ZNF160: variants seen among roughly 807,000 people sequenced by gnomAD.
The protein encoded by ZNF160 is KRAB zinc finger protein KR18.
A neutral mutation model predicts 13.1 loss-of-function variants in ZNF160; 9 were observed. The ratio of observed to expected loss-of-function variants is 0.69; its 90% CI spans 0.41 to 1.20. The LOEUF is 1.20. ZNF160 is among the 50% of genes most tolerant of loss of function. ZNF160 has a pLI of 0.01. For synonymous variants in ZNF160, 293 were observed against 333.2 expected, an observed-to-expected ratio of 0.88 and a Z score of 1.31; for missense variants, 838 against 988.0, an observed-to-expected ratio of 0.85 and a Z score of 2.04.
rs374817140 is a variant in ZNF160 at position 53,069,309 on chromosome 19, G to A, written c.1225C>T (p.Arg409Cys). The change falls in exon 6 of 6, where the codon CGT becomes TGT. Residue 409 changes from arginine (R) to cysteine (C), a missense_variant. This residue lies in a region of ZNF160 where 400 missense variants were observed against 538.9 expected (regional missense o/e 0.74). Transcript: ENST00000683776. This position sits in a 1 kb window ranked among gnomAD's most constrained non-coding sequence, Gnocchi z 4.4. Reference sequence around the variant, plus strand: ...GTCTGATGGATTGCTAGGCTTGAACGAACACTAAAGGCTTTGCCGCACTCA... The same window carrying A: ...GTCTGATGGATTGCTAGGCTTGAACAAACACTAAAGGCTTTGCCGCACTCA... ...CNECGKAFSV[R>C]SSLAIHQTIH... 15 of 1,613,744 alleles carry A rather than the reference G, an allele frequency of 9.3e-6. No homozygotes were observed. The highest frequency in any genetic ancestry group is 8.0e-5 in the African/African-American group (6 of 74,858).
At chr19:53,074,395 C>A in intron 4 of ZNF160, 127 bp from the exon 5 acceptor site, 1 of 1,434,856 alleles carries the variant, frequency 7.0e-7, no homozygotes, top group Non-Finnish European at 9.2e-7. Flanking sequence ...GGGCCAGGCG[C>A]GGTGGCTCAT....
Position 53,069,556 on chromosome 19 carries a change from T to C in ZNF160, c.978A>G (p.Ser326=), listed in dbSNP as rs779916193. The C allele has an allele frequency of 8.1e-6, 13 of 1,614,092 alleles. No homozygotes were observed. In the African/African-American group the frequency reaches 1.7e-4, roughly 22 times the overall value. ...HECGKVFRHN[S]YLATHRRIHT... ...GAATTCGCCGATGAGTTGCAAGGTA[T>C]GAATTGTGCCTGAAGACCTTGCCAC... The change falls in exon 6 of 6, where the codon TCA becomes TCG. Residue 326 remains serine (S), a synonymous_variant. Coordinates refer to ENST00000683776, the MANE Select transcript of ZNF160 (RefSeq NM_001322131.2). The surrounding 1 kb of genome is among the most constrained non-coding windows in gnomAD (Gnocchi z 4.4).
At chr19:53,086,430 G>T in intron 2 of ZNF160, 109 bp from the exon 3 acceptor site, 1 of 845,900 alleles carries the variant, frequency 1.2e-6, no homozygotes, top group Non-Finnish European at 1.7e-6. Flanking sequence ...CACACGCACA[G>T]ATCTCACCCT....
intron 3 of ZNF160, among the ~76,000 whole-genome samples, chr19:53,080,014 A>C (rs1459709037): frequency 6.6e-6 from 1 of 152,132 alleles, no homozygotes; most frequent in Non-Finnish European, 1.5e-5. Flanking sequence ...GTATCTAAAA[A>C]ACCCTAAAGA....
rs193241799 is a variant in ZNF160, at chr19:53,070,450, G to A, written c.272-188C>T. ...TTTTGAGACGGAGTCTCGCTCTGTC[G>A]CCCAGGCTGGAGTGCAGTGGTGTGA... On this transcript the variant is annotated intron_variant, in intron 5 of 5. Coordinates refer to ENST00000683776, the MANE Select transcript of ZNF160 (RefSeq NM_001322131.2). 1.8e-3 allele frequency among the ~76,000 whole-genome samples: 271 copies of A among 150,642 alleles called. 1 individual carries two copies. The highest frequency in any genetic ancestry group is 6.2e-3 in the African/African-American group (255 of 41,000).
chr19:53,068,349 C>A lies in ZNF160; in HGVS notation c.2185G>T (p.Gly729Trp), dbSNP rs758570282. 1 of 1,614,060 alleles carries A rather than the reference C, an allele frequency of 6.2e-7. No individual in the cohort carries two copies. The highest frequency in any genetic ancestry group is 8.5e-7 in the Non-Finnish European group (1 of 1,180,028). ...TCATTACATTTGTAAGGTTTTTTCC[C>A]AGTATGGATTGCCTGATGGGTGGTT... ...SLTTHQAIHTGKKPYKCNECG... is the reference protein window; with the variant it reads ...SLTTHQAIHTWKKPYKCNECG... Residue 729 changes from glycine to tryptophan, a missense_variant, in exon 6 of 6, where the codon GGG (glycine) becomes TGG (tryptophan). Gly to Trp is a radical substitution (Grantham distance 184, BLOSUM62 -2). Around this residue, in one of 3 missense-constraint regions of ZNF160, gnomAD observed 400 missense variants for 538.9 expected, o/e 0.74. Coordinates refer to ENST00000683776, the MANE Select transcript of ZNF160 (RefSeq NM_001322131.2).
At chr19:53,072,438 T>A (rs1368151687) in intron 5 of ZNF160, among the ~76,000 whole-genome samples, 1 of 152,206 alleles carries the variant, frequency 6.6e-6, no homozygotes, top group African/African-American at 2.4e-5. Flanking sequence ...AAAACCATAA[T>A]GTATTCATTT....
chr19:53,075,739 T>C (rs184124710), intron 3 of ZNF160: 3 of 518,976 alleles, frequency 5.8e-6, no homozygotes, highest in African/African-American at 5.8e-5. Context: ...CTATAATAAA[T>C]GGGTAAATAT....
chr19:53,075,697 T>A (rs2084361487), intron 3 of ZNF160: 2 of 518,130 alleles, frequency 3.9e-6, no homozygotes, highest in African/African-American at 3.8e-5. Flanking sequence ...CACTTCCATC[T>A]AGATGTTCAT....
At chr19:53,088,202 C>T (rs75829585) in intron 2 of ZNF160, among the ~76,000 whole-genome samples, 1 of 152,124 alleles carries the variant, frequency 6.6e-6, no homozygotes, top group East Asian at 1.9e-4. Flanking sequence ...GCCAAGATAA[C>T]AGAAGAGGAA....
At chr19:53,086,156 C>T in intron 3 of ZNF160, 106 bp downstream of exon 3, 1 of 1,387,922 alleles carries the variant, frequency 7.2e-7, no homozygotes, top group Non-Finnish European at 1.0e-6. Flanking sequence ...TGAGTGCTAG[C>T]AAACATGTCA....
Position 53,067,166 on chromosome 19 carries a change from C to T in ZNF160, c.*911G>A, listed in dbSNP as rs2083995800. ...TGCTCTTTGATGCATAAGAGGGCGA[C>T]CTTTTCCCCTGCAGTATTTCTACCA... On this transcript the variant is annotated 3_prime_UTR_variant, in exon 6 of 6. Coordinates refer to ENST00000683776, the MANE Select transcript of ZNF160 (RefSeq NM_001322131.2). 1 of 152,144 alleles carries T rather than the reference C, an allele frequency of 6.6e-6. No individual in the cohort carries two copies. Among genetic ancestry groups the T allele is most frequent in the South Asian group, 2.1e-4 (1 of 4,832 alleles). 9.4% of individuals were successfully genotyped at this position (152,144 alleles called of 1,614,324 possible). A position where few individuals can be genotyped will look rare whatever the true frequency, so the allele number is the denominator to read the frequency against.
At chr19:53,095,812 A>C (rs1362652060) in intron 1 of ZNF160, 1 of 133,340 alleles carries the variant, frequency 7.5e-6, no homozygotes, top group African/African-American at 2.9e-5. Flanking sequence ...ATCAGCGTCT[A>C]ACACAAAGCT....
chr19:53,083,485 C>T (rs894274437), intron 3 of ZNF160, among the ~76,000 whole-genome samples: 21 of 152,290 alleles, frequency 1.4e-4, no homozygotes, highest in Admixed American at 3.3e-4. Flanking sequence ...CATTTCATTT[C>T]GTTAAGGCCT....
chr19:53,074,594 T>G (rs905500741), intron 4 of ZNF160, among the ~76,000 whole-genome samples: 5 of 146,346 alleles, frequency 3.4e-5, no homozygotes, highest in African/African-American at 5.0e-5. Flanking sequence ...GGCATGAACC[T>G]GGGAGGCAGA....
chr19:53,080,376 G>C (rs1425722933), intron 3 of ZNF160, among the ~76,000 whole-genome samples: 3 of 152,226 alleles, frequency 2.0e-5, no homozygotes, highest in Non-Finnish European at 4.4e-5. Flanking sequence ...TGGGATTACA[G>C]GCGTGAGCCA....
chr19:53,090,351 C>T (rs2084989858), intron 2 of ZNF160, among the ~76,000 whole-genome samples: 1 of 152,192 alleles, frequency 6.6e-6, no homozygotes, highest in Non-Finnish European at 1.5e-5. Context: ...ACTTTCTCAG[C>T]TTTGTCTTTC....
chr19:53,086,015 C>T (rs962016432), intron 3 of ZNF160: 16 of 1,417,100 alleles, frequency 1.1e-5, no homozygotes, highest in South Asian at 2.5e-5. Context: ...ACCCTCACCC[C>T]GTCTCCATCC....
At position 53,067,997 on chromosome 19, in the gene ZNF160, A is replaced by C; in HGVS notation, c.*80T>G. On this transcript the variant is annotated 3_prime_UTR_variant, in exon 6 of 6. Transcript: ENST00000683776. ...AACTCATGAGGGATTGGCCACTGTC[A>C]CTACATTTGTAAGGATTCTGTCAAG... 1 of 1,518,762 alleles carries C rather than the reference A, an allele frequency of 6.6e-7. No individual in the cohort carries two copies. The highest frequency in any genetic ancestry group is 8.8e-7 in the Non-Finnish European group (1 of 1,132,486). 94.1% of individuals were successfully genotyped at this position (1,518,762 alleles called of 1,614,324 possible).
Sources: gnomAD v4.1 joint callset for allele counts (sites outside exome capture counted in the v4.1 genomes callset) on GRCh38, gnomAD v4.1.1 for gene constraint, gnomAD v4.1.1 regional missense constraint, Gnocchi (gnomAD v3.1) non-coding constraint, MANE v1.5 for transcripts, NCBI Gene and HGNC (gene_info 2026-07-23, HGNC 2026-07-21) for gene names.